DENND2C: variants seen among roughly 807,000 people sequenced by gnomAD.
The protein encoded by DENND2C is DENN domain containing 2C, also known as DENN domain-containing protein 2C.
A neutral mutation model predicts 112.4 loss-of-function variants in DENND2C; 72 were observed. The ratio of observed to expected loss-of-function variants is 0.64; its 90% confidence interval spans 0.53 to 0.78. DENND2C has a LOEUF of 0.78. Among genes scored for constraint, DENND2C ranks in the 30% least tolerant of loss-of-function variants. DENND2C has a pLI of 0.00. For synonymous variants in DENND2C, 329 were observed against 381.6 expected, an observed-to-expected ratio of 0.86 and a Z score of 1.61; for missense variants, 992 against 1,113.8, an observed-to-expected ratio of 0.89 and a Z score of 1.56.
chr1:114,642,437 A>G (rs973083964), intron 3 of DENND2C, among the ~76,000 whole-genome samples: 3 of 152,252 alleles, frequency 2.0e-5, no homozygotes, highest in Non-Finnish European at 4.4e-5. Flanking sequence ...GTCCAAAGTT[A>G]GAATGTTCGA....
chr1:114,644,290 T>C (rs1257254019), intron 3 of DENND2C, among the ~76,000 whole-genome samples: 1 of 152,214 alleles, frequency 6.6e-6, no homozygotes, highest in Non-Finnish European at 1.5e-5. Context: ...ATAGAACTTA[T>C]CATTTATCTG....
At chr1:114,650,695 A>G (rs1345787480) in intron 2 of DENND2C, among the ~76,000 whole-genome samples, 3 of 149,556 alleles carry the variant, frequency 2.0e-5, no homozygotes, top group Admixed American at 2.0e-4. Flanking sequence ...AAAAAAAAAA[A>G]GAATTTCAGA....
chr1:114,606,008 A>C (rs1343184569), intron 10 of DENND2C, among the ~76,000 whole-genome samples: 1 of 152,194 alleles, frequency 6.6e-6, no homozygotes, highest in East Asian at 1.9e-4. Context: ...TGTCCTCTAT[A>C]AAAACAAGCC....
chr1:114,601,019 A>G lies in DENND2C; in HGVS notation c.1816-59T>C, dbSNP rs1170312193. ...AAGTTAAAAAATATAAAAGAATGCC[A>G]TTACAGGAACTGCCAAACCTGGTGT... On this transcript the variant is annotated intron_variant, in intron 13 of 20. Transcript: ENST00000393274. 3.3e-6 allele frequency: 5 copies of G among 1,536,056 alleles called. No homozygotes were observed. In the Admixed American group the frequency reaches 7.8e-5, roughly 24 times the overall value.
At chr1:114,656,002 C>T (rs533025306) in intron 1 of DENND2C, among the ~76,000 whole-genome samples, 1 of 151,672 alleles carries the variant, frequency 6.6e-6, no homozygotes, top group Non-Finnish European at 1.5e-5. Flanking sequence ...TATCCATTCT[C>T]CTGTTGACTG....
chr1:114,658,269 A>T (rs979384317), intron 1 of DENND2C, among the ~76,000 whole-genome samples: 1 of 152,240 alleles, frequency 6.6e-6, no homozygotes, highest in Admixed American at 6.5e-5. Flanking sequence ...AATATTCATC[A>T]TGATTAGGGA....
intron 1 of DENND2C, among the ~76,000 whole-genome samples, chr1:114,657,451 T>C (rs1657365668): frequency 6.6e-6 from 1 of 152,242 alleles, no homozygotes; most frequent in South Asian, 2.1e-4. Context: ...GTATCACAGA[T>C]GGCAGTTTAA....
At chr1:114,643,270 T>C (rs935446683) in intron 3 of DENND2C, among the ~76,000 whole-genome samples, 2 of 152,206 alleles carry the variant, frequency 1.3e-5, no homozygotes, top group Non-Finnish European at 2.9e-5. Flanking sequence ...CAACATAAAT[T>C]CTGCTCAGGA....
At chr1:114,650,817 C>A (rs1377234689) in intron 2 of DENND2C, among the ~76,000 whole-genome samples, 1 of 151,882 alleles carries the variant, frequency 6.6e-6, no homozygotes, top group Non-Finnish European at 1.5e-5. Context: ...CTCAAATTTT[C>A]AAATGACATT....
intron 1 of DENND2C, 32 bp downstream of exon 1, chr1:114,669,951 A>G (rs11803022): frequency 0.13 from 19,468 of 152,306 alleles, 1,330 homozygotes; most frequent in African/African-American, 0.15. Flanking sequence ...CCTGCGGCTT[A>G]AAACCCCGCG....
chr1:114,640,361 T>A (rs1656801057), intron 3 of DENND2C, among the ~76,000 whole-genome samples: 1 of 152,252 alleles, frequency 6.6e-6, no homozygotes, highest in Non-Finnish European at 1.5e-5. Flanking sequence ...GAGAAATATA[T>A]GATTTTTATT....
At position 114,656,647 on chromosome 1, in the gene DENND2C, C is replaced by T. The variant is rs373054535; in HGVS notation, c.-573-1886G>A. On this transcript the variant is annotated intron_variant, in intron 1 of 20. Transcript: ENST00000393274. ...TCCTGACCTTGTGATCTGCCTGCCT[C>T]GGCCTCCCAAAGTGCTGGGATTACA... Among the ~76,000 whole-genome samples the T allele has an allele frequency of 5.1e-3, 777 of 152,156 alleles. 6 individuals are homozygous for T. Among genetic ancestry groups the T allele is most frequent in the African/African-American group, 0.018 (736 of 41,506 alleles).
chr1:114,643,128 T>C (rs1288118986), intron 3 of DENND2C, among the ~76,000 whole-genome samples: 1 of 152,190 alleles, frequency 6.6e-6, no homozygotes, highest in Non-Finnish European at 1.5e-5. Context: ...GGGGAGGTAG[T>C]ATGAATAGTG....
intron 13 of DENND2C, among the ~76,000 whole-genome samples, chr1:114,601,171 CA>C (rs1388791560): frequency 6.6e-6 from 1 of 152,074 alleles, no homozygotes; most frequent in Admixed American, 6.6e-5. Context: ...TAACATAAAT[CA>C]ACTTATTTTT....
At chr1:114,666,567 T>C (rs950170217) in intron 1 of DENND2C, among the ~76,000 whole-genome samples, 3 of 152,222 alleles carry the variant, frequency 2.0e-5, no homozygotes, top group Non-Finnish European at 4.4e-5. Flanking sequence ...ATGATTCTCC[T>C]GCCTCAGCCT....
Position 114,627,930 on chromosome 1 carries a change from A to G in DENND2C, c.-204-1742T>C, listed in dbSNP as rs116113591. Among the ~76,000 whole-genome samples the G allele has an allele frequency of 7.4e-3, 1,120 of 151,862 alleles. 8 individuals carry two copies. The highest frequency in any genetic ancestry group is 0.027 in the South Asian group (129 of 4,814). ...CCCTTTCTTTATTTTTCTCTGGTTA[A>G]TGTGTCTTAAGTGTGAATGGCTCAA... On this transcript the variant is annotated intron_variant, in intron 3 of 20. Coordinates refer to ENST00000393274, the MANE Select transcript of DENND2C (RefSeq NM_001256404.2).
intron 18 of DENND2C, among the ~76,000 whole-genome samples, chr1:114,592,168 A>C (rs1655211912): frequency 6.6e-6 from 1 of 152,062 alleles, no homozygotes; most frequent in Admixed American, 6.6e-5. Context: ...TATAGATGTG[A>C]GCCACCGTGC....
rs192314314 is a variant in DENND2C at position 114,654,697 on chromosome 1, T to C, written c.-509A>G. The C allele has an allele frequency of 1.3e-5, 2 of 150,902 alleles. No individual in the cohort carries two copies. The highest frequency in any genetic ancestry group is 6.6e-5 in the Admixed American group (1 of 15,088). The allele number at this position is 150,902 out of a possible 1,614,324, so 9.3% of individuals were successfully genotyped here. On this transcript the variant is annotated 5_prime_UTR_variant, in exon 2 of 21. Transcript: ENST00000393274. ...GGTACTATATAAGATTAAGTTTTGGTACATACAGCCGGAACTGGAAATAGC... is the reference window on the plus strand; with the variant it reads ...GGTACTATATAAGATTAAGTTTTGGCACATACAGCCGGAACTGGAAATAGC...
intron 9 of DENND2C, 63 bp downstream of exon 9, chr1:114,611,010 G>T: frequency 6.4e-7 from 1 of 1,574,510 alleles, no homozygotes; most frequent in Non-Finnish European, 8.7e-7. Flanking sequence ...CACAAAGGTA[G>T]GTGCCACTCC....
Sources: allele counts gnomAD v4.1 joint callset (sites outside exome capture counted in the v4.1 genomes callset), GRCh38; gene constraint gnomAD v4.1.1; transcripts MANE v1.5; gene names NCBI Gene and HGNC (gene_info 2026-07-23, HGNC 2026-07-21).